The following NKAIN3 variants were observed in gnomAD, a reference collection of about 807,000 sequenced individuals.
NKAIN3 encodes the protein sodium/potassium transporting ATPase interacting 3.
In NKAIN3, 25 loss-of-function variants were observed where a neutral mutation model predicts 30.2. That is an observed-to-expected ratio of 0.83 (90% confidence interval 0.60 to 1.16). The LOEUF (loss-of-function observed/expected upper bound fraction) is 1.16. NKAIN3 is among the 50% of genes most tolerant of loss of function. NKAIN3 has a pLI of 0.00. For missense variants in NKAIN3, 225 were observed against 254.1 expected (o/e 0.89, Z 0.78); for synonymous variants, 91 against 89.6 (o/e 1.02, Z -0.09).
intron 1 of NKAIN3, among the ~76,000 whole-genome samples, chr8:62,559,055 C>T (rs552338070): frequency 6.6e-6 from 1 of 151,942 alleles, no homozygotes; most frequent in Non-Finnish European, 1.5e-5. Flanking sequence ...AGTTTCAATT[C>T]TTTTTAATTT....
intron 1 of NKAIN3, among the ~76,000 whole-genome samples, chr8:62,310,709 A>C (rs943749028): frequency 1.3e-5 from 2 of 150,200 alleles, no homozygotes; most frequent in African/African-American, 5.0e-5. Flanking sequence ...CCATTTGCGC[A>C]TCCTCGGGGG....
intron 4 of NKAIN3, among the ~76,000 whole-genome samples, chr8:62,813,304 C>T (rs1328008277): frequency 1.3e-5 from 2 of 151,916 alleles, no homozygotes; most frequent in Non-Finnish European, 2.9e-5. Flanking sequence ...TGTCCTGGCA[C>T]TCAGGATTGT....
chr8:62,496,942 C>A (rs559084665), intron 1 of NKAIN3, among the ~76,000 whole-genome samples: 1 of 152,032 alleles, frequency 6.6e-6, no homozygotes, highest in African/African-American at 2.4e-5. Flanking sequence ...ATAACTACAG[C>A]GGCTATGCTT....
chr8:62,677,278 C>T (rs768732735), intron 3 of NKAIN3, among the ~76,000 whole-genome samples: 1 of 152,156 alleles, frequency 6.6e-6, no homozygotes, highest in Non-Finnish European at 1.5e-5. Flanking sequence ...ACCTATGATT[C>T]ACAGTAGATA....
chr8:62,470,874 C>G (rs907460149), intron 1 of NKAIN3, among the ~76,000 whole-genome samples: 2 of 151,800 alleles, frequency 1.3e-5, no homozygotes, highest in Non-Finnish European at 2.9e-5. Context: ...ATGTGTAGAT[C>G]TTATTGATCC....
At chr8:62,943,679 A>G (rs1823035866) in intron 5 of NKAIN3, among the ~76,000 whole-genome samples, 1 of 150,910 alleles carries the variant, frequency 6.6e-6, no homozygotes, top group Non-Finnish European at 1.5e-5. Context: ...AATGTGGCAT[A>G]TATTTATATG....
intron 1 of NKAIN3, among the ~76,000 whole-genome samples, chr8:62,332,498 T>C (rs887563884): frequency 1.6e-4 from 25 of 152,138 alleles, no homozygotes; most frequent in African/African-American, 5.8e-4. Context: ...TTACAGTTTA[T>C]GATGAAAATT....
chr8:62,986,712 T>C (rs767709519), downstream of NKAIN3, among the ~76,000 whole-genome samples: 44 of 152,182 alleles, frequency 2.9e-4, no homozygotes, highest in Non-Finnish European at 5.7e-4. Context: ...TACTCTTTAT[T>C]AAATAGTCTC....
chr8:62,266,887 G>A (rs968850704), intron 1 of NKAIN3, among the ~76,000 whole-genome samples: 14 of 152,238 alleles, frequency 9.2e-5, no homozygotes, highest in Non-Finnish European at 2.1e-4. Flanking sequence ...TATGGCTGCA[G>A]AACTGCCTTT....
intron 1 of NKAIN3, among the ~76,000 whole-genome samples, chr8:62,367,866 G>T (rs1484919654): frequency 6.6e-6 from 1 of 152,070 alleles, no homozygotes; most frequent in Non-Finnish European, 1.5e-5. Flanking sequence ...ACTAGTAAAT[G>T]AATTCAGTAA....
At chr8:62,409,524 C>G (rs1804175288) in intron 1 of NKAIN3, among the ~76,000 whole-genome samples, 1 of 152,074 alleles carries the variant, frequency 6.6e-6, no homozygotes, top group Non-Finnish European at 1.5e-5. Flanking sequence ...TATTCTTATA[C>G]TACTTTTTTA....
chr8:62,709,364 CT>C (rs1814643034), intron 3 of NKAIN3, among the ~76,000 whole-genome samples: 1 of 151,946 alleles, frequency 6.6e-6, no homozygotes, highest in Non-Finnish European at 1.5e-5. Context: ...CTTTCCTTTG[CT>C]GGTAATTTTT....
At position 62,438,493 on chromosome 8, in the gene NKAIN3, C is replaced by T. The variant is rs529265009; in HGVS notation, c.55-141046C>T. On this transcript the variant is annotated intron_variant, in intron 1 of 6. Coordinates refer to ENST00000623646, the MANE Select transcript of NKAIN3 (RefSeq NM_001304533.3). The stretch of plus-strand genomic sequence containing the variant: ...CCTGGAATCACCTCAGGTTCCCTAC[C>T]GTGTTACCTCTCTCCTGCTCTGGCT... Among the ~76,000 whole-genome samples, 11 of 152,254 alleles carry T rather than the reference C, an allele frequency of 7.2e-5. No individual in the cohort carries two copies. In the East Asian group the frequency reaches 1.7e-3, roughly 24 times the overall value.
chr8:62,284,030 A>C (rs978412474), intron 1 of NKAIN3, among the ~76,000 whole-genome samples: 1 of 152,166 alleles, frequency 6.6e-6, no homozygotes, highest in Admixed American at 6.6e-5. Context: ...CTACCTGCTC[A>C]TTATGAACTC....
At chr8:62,638,350 T>G (rs183580755) in intron 3 of NKAIN3, among the ~76,000 whole-genome samples, 33 of 152,284 alleles carry the variant, frequency 2.2e-4, no homozygotes, top group Admixed American at 6.5e-4. Context: ...ATCTGAGAAG[T>G]ACATTCTACA....
intron 1 of NKAIN3, among the ~76,000 whole-genome samples, chr8:62,420,155 A>T (rs1480803858): frequency 6.6e-6 from 1 of 152,168 alleles, no homozygotes; most frequent in Non-Finnish European, 1.5e-5. Context: ...ATTTTGTTGT[A>T]GGAAATCTCT....
chr8:62,787,649 A>T (rs904834952), intron 4 of NKAIN3, among the ~76,000 whole-genome samples: 4 of 152,190 alleles, frequency 2.6e-5, no homozygotes, highest in African/African-American at 9.6e-5. Context: ...ATTTAACATT[A>T]GGTATATCTC....
At position 62,972,623 on chromosome 8, in the gene NKAIN3, A is replaced by C. The variant is rs2130915320; in HGVS notation, c.*7216A>C. On this transcript the variant is annotated 3_prime_UTR_variant, in exon 7 of 7. Coordinates refer to ENST00000623646, the MANE Select transcript of NKAIN3 (RefSeq NM_001304533.3). ...ACAGTGGTGAATAAATCCACCCCAA[A>C]ATTCCTTTGCAGATCTTGAGTATTT... Among the ~76,000 whole-genome samples, 1 of 152,226 alleles carries C rather than the reference A, an allele frequency of 6.6e-6. No individual in the cohort carries two copies. Among genetic ancestry groups the C allele is most frequent in the Non-Finnish European group, 1.5e-5 (1 of 68,002 alleles).
chr8:62,548,404 G>GACTC (rs1193545271), intron 1 of NKAIN3, among the ~76,000 whole-genome samples: 6 of 152,068 alleles, frequency 3.9e-5, no homozygotes, highest in Non-Finnish European at 7.4e-5. Context: ...TCTCTGTCAG[G>GACTC]ACTCAGTCTG....
Sources: gnomAD v4.1 joint callset for allele counts (sites outside exome capture counted in the v4.1 genomes callset) on GRCh38, gnomAD v4.1.1 for gene constraint, MANE v1.5 for transcripts, NCBI Gene and HGNC (gene_info 2026-07-23, HGNC 2026-07-21) for gene names.